MSI2: variants seen among roughly 807,000 people sequenced by gnomAD.
The protein encoded by MSI2 is RNA-binding protein Musashi homolog 2.
A neutral mutation model predicts 45.6 loss-of-function variants in MSI2; 17 were observed. The ratio of observed to expected loss-of-function variants is 0.37; its 90% CI spans 0.26 to 0.56. MSI2 has a LOEUF of 0.56. MSI2 is among the 20% of genes least tolerant of loss of function. The probability of loss-of-function intolerance (pLI) is 0.77; values close to 1 mark genes in which losing one functional copy is unlikely to be tolerated. For synonymous variants in MSI2, 156 were observed against 158.2 expected (o/e 0.99, Z 0.11); for missense variants, 293 against 444.2 (o/e 0.66, Z 3.06).
chr17:57,502,498 C>T (rs9896964), intron 6 of MSI2, among the ~76,000 whole-genome samples: 63,075 of 149,674 alleles, frequency 0.42, 13,456 homozygotes, highest in Non-Finnish European at 0.46. Flanking sequence ...GTGAAATGGC[C>T]GGCATAGTGT....
chr17:57,658,864 T>C (rs1911787443), intron 11 of MSI2, among the ~76,000 whole-genome samples: 2 of 152,066 alleles, frequency 1.3e-5, no homozygotes, highest in Admixed American at 6.5e-5. Context: ...CATAGCTCCA[T>C]AAGGGCGCGC....
At chr17:57,640,504 C>T (rs1224780083) in intron 10 of MSI2, among the ~76,000 whole-genome samples, 1 of 152,152 alleles carries the variant, frequency 6.6e-6, no homozygotes, top group Non-Finnish European at 1.5e-5. Context: ...GTTATTATTC[C>T]ACTTACCAAG....
At chr17:57,438,060 G>T (rs2084723011) in intron 6 of MSI2, among the ~76,000 whole-genome samples, 1 of 152,196 alleles carries the variant, frequency 6.6e-6, no homozygotes, top group Admixed American at 6.5e-5. Context: ...GGTTATGGAG[G>T]GCCCCTTCTG....
chr17:57,502,222 A>T (rs561370330), intron 6 of MSI2, among the ~76,000 whole-genome samples: 107 of 152,274 alleles, frequency 7.0e-4, no homozygotes, highest in African/African-American at 2.4e-3. Flanking sequence ...TGCACCTGGC[A>T]TTTCACACTT....
intron 6 of MSI2, among the ~76,000 whole-genome samples, chr17:57,499,897 G>T (rs1417514012): frequency 6.6e-6 from 1 of 152,114 alleles, no homozygotes; most frequent in Non-Finnish European, 1.5e-5. Flanking sequence ...AGAAGCTTAG[G>T]GCTGGAGCAC....
chr17:57,462,419 G>A (rs1200228183), intron 6 of MSI2, among the ~76,000 whole-genome samples: 1 of 152,198 alleles, frequency 6.6e-6, no homozygotes, highest in African/African-American at 2.4e-5. Flanking sequence ...CCAGAGGTGG[G>A]TGTTGTGCCC....
chr17:57,700,628 C>T, the MSI2 span, among the ~76,000 whole-genome samples: 36 of 152,268 alleles, frequency 2.4e-4, no homozygotes, highest in Non-Finnish European at 4.1e-4. Flanking sequence ...CTGGGCCGGG[C>T]GCGGTTGCTC....
chr17:57,692,641 G>A, the MSI2 span, among the ~76,000 whole-genome samples: 15 of 151,840 alleles, frequency 9.9e-5, no homozygotes, highest in African/African-American at 3.6e-4. Flanking sequence ...GTTTTTGTTT[G>A]TCTGAAAAAA....
chr17:57,566,225 C>T (rs1166322098), intron 7 of MSI2, among the ~76,000 whole-genome samples: 3 of 152,152 alleles, frequency 2.0e-5, no homozygotes, highest in African/African-American at 7.2e-5. Context: ...CCATCTTAAA[C>T]GTGGAAACAA....
At chr17:57,595,986 C>T (rs1255411831) in intron 7 of MSI2, among the ~76,000 whole-genome samples, 1 of 152,224 alleles carries the variant, frequency 6.6e-6, no homozygotes, top group Non-Finnish European at 1.5e-5. Context: ...TGTGCTCCCT[C>T]GCCATGTTAA....
intron 6 of MSI2, among the ~76,000 whole-genome samples, chr17:57,502,900 T>C (rs2086148030): frequency 6.6e-6 from 1 of 152,022 alleles, no homozygotes; most frequent in Admixed American, 6.6e-5. Context: ...GCCTGGGCCC[T>C]GGCTTGCTCA....
At chr17:57,329,814 G>C (rs1231646084) in intron 5 of MSI2, among the ~76,000 whole-genome samples, 1 of 152,202 alleles carries the variant, frequency 6.6e-6, no homozygotes, top group Non-Finnish European at 1.5e-5. Context: ...AACGGACACA[G>C]AGGCTCCTGG....
chr17:57,499,331 G>A (rs1301188859), intron 6 of MSI2, among the ~76,000 whole-genome samples: 3 of 148,076 alleles, frequency 2.0e-5, no homozygotes, highest in Non-Finnish European at 3.0e-5. Flanking sequence ...AGCCGAGATT[G>A]TGCCACGGCA....
intron 8 of MSI2, among the ~76,000 whole-genome samples, chr17:57,615,133 T>A (rs2144556104): frequency 6.6e-6 from 1 of 151,206 alleles, no homozygotes. Context: ...AATTTTTTTT[T>A]TTTTTTTTTT....
At chr17:57,402,745 C>T (rs1338976550) in intron 6 of MSI2, among the ~76,000 whole-genome samples, 1 of 152,220 alleles carries the variant, frequency 6.6e-6, no homozygotes, top group Non-Finnish European at 1.5e-5. Flanking sequence ...AAGCCAGCCT[C>T]CTCCAGCCCA....
At chr17:57,603,935 A>G (rs757587736) in intron 8 of MSI2, among the ~76,000 whole-genome samples, 5 of 152,244 alleles carry the variant, frequency 3.3e-5, no homozygotes, top group Non-Finnish European at 4.4e-5. Flanking sequence ...TTAGGGGCAG[A>G]GTAGAAAGGG....
intron 4 of MSI2, among the ~76,000 whole-genome samples, chr17:57,261,566 A>G (rs1186948083): frequency 1.3e-5 from 2 of 152,200 alleles, no homozygotes; most frequent in Admixed American, 6.5e-5. Context: ...GGGTAACTTT[A>G]CTTTTGCTAA....
intron 6 of MSI2, among the ~76,000 whole-genome samples, chr17:57,427,528 C>T (rs2084516574): frequency 6.6e-6 from 1 of 152,176 alleles, no homozygotes; most frequent in African/African-American, 2.4e-5. Context: ...TACTTCTCTC[C>T]CGCTGATGAA....
chr17:57,256,540 T>A lies in MSI2; in HGVS notation c.-203T>A. ...GGGGGGGTGTGCGAGGCAGCGGGGC[T>A]GAGCTAAGCCGAGCCCACGTGTGAC... On this transcript the variant is annotated 5_prime_UTR_variant, in exon 1 of 14. Transcript: ENST00000284073. The A allele has an allele frequency of 3.8e-6, 1 of 260,226 alleles. No homozygotes were observed. Among genetic ancestry groups the A allele is most frequent in the Non-Finnish European group, 6.8e-6 (1 of 148,062 alleles). 16.1% of individuals were successfully genotyped at this position (260,226 alleles called of 1,614,324 possible).
Sources: allele counts gnomAD v4.1 joint callset (sites outside exome capture counted in the v4.1 genomes callset), GRCh38; gene constraint gnomAD v4.1.1; transcripts MANE v1.5; gene names NCBI Gene and HGNC (gene_info 2026-07-23, HGNC 2026-07-21).